The following MMP26 variants were observed in gnomAD, a reference collection of about 807,000 sequenced individuals.
MMP26 encodes matrix metallopeptidase 26.
MMP26 carries 33 observed loss-of-function variants against 31.0 expected under a neutral mutation model. The ratio of observed to expected loss-of-function variants is 1.06; its 90% confidence interval spans 0.81 to 1.42. The LOEUF is 1.42. MMP26 is among the 40% of genes most tolerant of loss of function. The pLI, the probability that MMP26 is intolerant of heterozygous loss-of-function variation, is 0.00. For synonymous variants in MMP26, 122 were observed against 114.9 expected, an observed-to-expected ratio of 1.06 and a Z score of -0.40; for missense variants, 347 against 316.1, an observed-to-expected ratio of 1.10 and a Z score of -0.74.
At chr11:4,708,778 T>TTTG (rs1479672873) in intron 1 of MMP26, among the ~76,000 whole-genome samples, 1 of 148,488 alleles carries the variant, frequency 6.7e-6, no homozygotes, top group African/African-American at 2.4e-5. Flanking sequence ...AAATGGAAAA[T>TTTG]CAAGAAACTT....
intron 1 of MMP26, among the ~76,000 whole-genome samples, chr11:4,730,334 A>G (rs1328772199): frequency 6.6e-6 from 1 of 152,056 alleles, no homozygotes; most frequent in Non-Finnish European, 1.5e-5. Flanking sequence ...TAGCACCACT[A>G]AAGAGCCAGG....
intron 2 of MMP26, among the ~76,000 whole-genome samples, chr11:4,827,533 G>A (rs1849594171): frequency 6.6e-6 from 1 of 152,034 alleles, no homozygotes; most frequent in Non-Finnish European, 1.5e-5. Flanking sequence ...GTATACAGAA[G>A]TGGTCTCAGG....
At chr11:4,760,631 G>A (rs895764746) in intron 1 of MMP26, among the ~76,000 whole-genome samples, 2 of 152,168 alleles carry the variant, frequency 1.3e-5, no homozygotes, top group East Asian at 1.9e-4. Flanking sequence ...CCATTTTTCA[G>A]GTGAGGTTAG....
At chr11:4,907,476 T>C in intron 2 of MMP26, 1 of 1,613,930 alleles carries the variant, frequency 6.2e-7, no homozygotes, top group Non-Finnish European at 8.5e-7. Context: ...CTCATGTACC[T>C]GCTTGCCATC....
rs565921296 is a variant in MMP26, at chr11:4,723,331, T to G, written c.-217+18286T>G. On this transcript the variant is annotated intron_variant, in intron 1 of 7. Coordinates refer to ENST00000380390, the MANE Select transcript of MMP26 (RefSeq NM_021801.5). ...AGCCAGCATCTGCAGCTCCTCATACTTGATCTGGTGCATGCTCTCAGCCTC... is the reference window on the plus strand; with the variant it reads ...AGCCAGCATCTGCAGCTCCTCATACGTGATCTGGTGCATGCTCTCAGCCTC... 7.8e-4 allele frequency: 756 copies of G among 974,908 alleles called. 10 individuals carry two copies. The South Asian group carries it at 8.8e-3, about 11-fold the overall frequency. The allele number at this position is 974,908 out of a possible 1,614,324, so 60.4% of individuals were successfully genotyped here. A position where few individuals can be genotyped will look rare whatever the true frequency, so the allele number is the denominator to read the frequency against.
chr11:4,805,069 G>A (rs1424330870), intron 2 of MMP26, among the ~76,000 whole-genome samples: 2 of 151,998 alleles, frequency 1.3e-5, no homozygotes, highest in Middle Eastern at 3.2e-3. Context: ...TTGCTCTTCA[G>A]TTCTATAGAA....
intron 2 of MMP26, among the ~76,000 whole-genome samples, chr11:4,815,402 G>A (rs976854691): frequency 6.6e-6 from 1 of 152,176 alleles, no homozygotes; most frequent in Non-Finnish European, 1.5e-5. Context: ...GGCAAATTGA[G>A]AGGCAGGTAT....
At chr11:4,782,396 G>C (rs918120353) in intron 2 of MMP26, among the ~76,000 whole-genome samples, 1 of 152,192 alleles carries the variant, frequency 6.6e-6, no homozygotes, top group Non-Finnish European at 1.5e-5. Flanking sequence ...GTGAAACTTT[G>C]AACTTAACAG....
intron 2 of MMP26, among the ~76,000 whole-genome samples, chr11:4,824,609 A>G (rs1849556788): frequency 6.6e-6 from 1 of 152,106 alleles, no homozygotes; most frequent in Admixed American, 6.6e-5. Context: ...CCTCATGGAG[A>G]AAATAATCAT....
intron 2 of MMP26, among the ~76,000 whole-genome samples, chr11:4,802,848 GATAGTCCTTTCAA>G (rs1442446099): frequency 6.6e-6 from 1 of 151,992 alleles, no homozygotes; most frequent in Non-Finnish European, 1.5e-5. Context: ...CAAATTTTCA[GATAGTCCTTTCAA>G]ATAAAATAGT....
intron 2 of MMP26, chr11:4,943,814 T>C (rs778921386): frequency 2.4e-4 from 103 of 437,396 alleles, no homozygotes; most frequent in Non-Finnish European, 3.7e-4. Flanking sequence ...CCCATTGAGA[T>C]TTATGTATCT....
At position 4,821,725 on chromosome 11, in the gene MMP26, C is replaced by T. The variant is rs199854418; in HGVS notation, c.-145+54384C>T. 7.5e-5 allele frequency: 121 copies of T among 1,613,866 alleles called. 1 individual carries two copies. Among genetic ancestry groups the T allele is most frequent in the Admixed American group, 1.8e-4 (11 of 59,986 alleles). ...AATCAACCTAAATGCCTGCATTGCC[C>T]AGATGTTCTTTCTACACGGATTTAC... On this transcript the variant is annotated intron_variant, in intron 2 of 7. Transcript: ENST00000380390.
intron 2 of MMP26, among the ~76,000 whole-genome samples, chr11:4,817,104 G>A (rs1207145229): frequency 6.6e-6 from 1 of 151,494 alleles, no homozygotes; most frequent in African/African-American, 2.4e-5. Context: ...TTTTTTTGTT[G>A]CTTTTGAAGT....
intron 2 of MMP26, chr11:4,804,554 TACA>T: frequency 2.6e-6 from 2 of 779,302 alleles, no homozygotes; most frequent in East Asian, 4.9e-5. Flanking sequence ...AATAATATGT[TACA>T]ACATGACATG....
intron 2 of MMP26, among the ~76,000 whole-genome samples, chr11:4,901,904 T>C (rs1239581118): frequency 6.6e-6 from 1 of 152,208 alleles, no homozygotes; most frequent in African/African-American, 2.4e-5. Flanking sequence ...TTTCAAATTA[T>C]AGATTTATTA....
intron 2 of MMP26, chr11:4,915,309 C>T: frequency 6.2e-7 from 1 of 1,613,918 alleles, no homozygotes; most frequent in Non-Finnish European, 8.5e-7. Context: ...GACAGTAGCA[C>T]AGAGGACTCG....
intron 1 of MMP26, chr11:4,723,527 C>A: frequency 6.7e-6 from 8 of 1,198,600 alleles, no homozygotes; most frequent in Non-Finnish European, 1.0e-5. Flanking sequence ...AAGTTGATCT[C>A]GTCAGTCAGC....
rs1440358098 is a variant in MMP26, at chr11:4,859,912, A to T, written c.-145+92571A>T. On this transcript the variant is annotated intron_variant, in intron 2 of 7. Transcript: ENST00000380390. ...AGTCTTCAGGGTGAGTACATAAGAC[A>T]GTAGAGTGAGGAGAACATCGAGCCC... 3.4e-5 allele frequency: 16 copies of T among 471,194 alleles called. 1 individual carries two copies. The highest frequency in any genetic ancestry group is 3.2e-4 in the African/African-American group (16 of 50,194). 29.2% of individuals were successfully genotyped at this position (471,194 alleles called of 1,614,324 possible).
At chr11:4,906,546 T>A (rs1850891983) in intron 2 of MMP26, among the ~76,000 whole-genome samples, 1 of 152,198 alleles carries the variant, frequency 6.6e-6, no homozygotes, top group Non-Finnish European at 1.5e-5. Context: ...AAGAGGTAAA[T>A]TAGTCTATAA....
Sources: gnomAD v4.1 joint callset for allele counts (sites outside exome capture counted in the v4.1 genomes callset) on GRCh38, gnomAD v4.1.1 for gene constraint, MANE v1.5 for transcripts, NCBI Gene and HGNC (gene_info 2026-07-23, HGNC 2026-07-21) for gene names.